FRMPD4: variants seen among roughly 807,000 people sequenced by gnomAD.
FRMPD4 encodes the protein FERM and PDZ domain-containing protein 4.
A neutral mutation model predicts 94.1 loss-of-function variants in FRMPD4; 22 were observed. That is an observed-to-expected ratio of 0.23 (90% CI 0.17 to 0.33). The LOEUF is 0.33. FRMPD4 is among the 10% of genes least tolerant of loss of function. FRMPD4 has a pLI of 1.00. For missense variants in FRMPD4, 1,111 were observed against 1,339.9 expected (o/e 0.83, Z 2.67); for synonymous variants, 631 against 548.6 (o/e 1.15, Z -2.10).
Position 12,213,767 on chromosome X carries a change from C to T in FRMPD4, c.41+74755C>T, listed in dbSNP as rs183703649. 4.5e-5 allele frequency among the ~76,000 whole-genome samples: 5 copies of T among 111,945 alleles called. No homozygotes were observed. The East Asian group carries it at 1.4e-3, about 31-fold the overall frequency. ...CTTTGGATGCTTTCTTTACTTTGAT[C>T]TGTGTAAATGAGAAAGGATAAAAAT... On this transcript the variant is annotated intron_variant, in intron 1 of 16. Coordinates refer to ENST00000675598, the MANE Select transcript of FRMPD4 (RefSeq NM_001368397.1).
chrX:12,287,945 G>C (rs151249527), intron 1 of FRMPD4, among the ~76,000 whole-genome samples: 2,558 of 111,858 alleles, frequency 0.023, 69 homozygotes, highest in African/African-American at 0.079. Context: ...TCATGGCTCT[G>C]TTTCTCAGTA....
chrX:11,924,779 G>A (rs995818182), intron 3 of FRMPD4, among the ~76,000 whole-genome samples: 16 of 111,410 alleles, frequency 1.4e-4, no homozygotes, highest in African/African-American at 5.2e-4. Flanking sequence ...GAAAAAGAAA[G>A]ACTTACTAGC....
At chrX:12,331,108 A>C (rs2055364551) in intron 1 of FRMPD4, among the ~76,000 whole-genome samples, 1 of 111,299 alleles carries the variant, frequency 9.0e-6, no homozygotes, top group South Asian at 3.8e-4. Flanking sequence ...AATTTTATTT[A>C]GAAAGTGGGG....
chrX:12,513,759 C>G (rs963878710), intron 2 of FRMPD4, among the ~76,000 whole-genome samples: 1 of 111,798 alleles, frequency 8.9e-6, no homozygotes, highest in East Asian at 2.8e-4. Flanking sequence ...TGAAGAATGT[C>G]AATGGTAGTT....
At chrX:12,382,553 C>CATAGCATAGT (rs2056339124) in intron 1 of FRMPD4, among the ~76,000 whole-genome samples, 1 of 110,323 alleles carries the variant, frequency 9.1e-6, no homozygotes, top group African/African-American at 3.3e-5. Context: ...CATAGCATAG[C>CATAGCATAGT]ATAGCATAGC....
At chrX:11,848,122 A>G (rs1199270849) in intron 1 of FRMPD4, among the ~76,000 whole-genome samples, 1 of 111,013 alleles carries the variant, frequency 9.0e-6, no homozygotes, top group Non-Finnish European at 1.9e-5. Context: ...GTTTTTTGGA[A>G]TACTGTACAT....
At chrX:12,658,209 A>AT (rs1442629757) in intron 4 of FRMPD4, among the ~76,000 whole-genome samples, 4 of 112,119 alleles carry the variant, frequency 3.6e-5, no homozygotes, top group African/African-American at 1.3e-4. Flanking sequence ...ACTGACACAC[A>AT]TTTAAAATGG....
At chrX:12,040,771 C>T (rs1233416170) in intron 3 of FRMPD4, among the ~76,000 whole-genome samples, 1 of 109,048 alleles carries the variant, frequency 9.2e-6, no homozygotes, top group East Asian at 2.9e-4. Flanking sequence ...TCTCGTGATC[C>T]GCCCACCTCG....
intron 1 of FRMPD4, among the ~76,000 whole-genome samples, chrX:12,187,361 C>G (rs1429687228): frequency 9.0e-6 from 1 of 111,715 alleles, no homozygotes; most frequent in East Asian, 2.8e-4. Context: ...ATCTTTTCTA[C>G]ATGAGTGTGA....
Position 12,417,567 on chromosome X carries a change from A to G in FRMPD4, c.42-81113A>G, listed in dbSNP as rs183259022. Among the ~76,000 whole-genome samples, 144 of 90,819 alleles carry G rather than the reference A, an allele frequency of 1.6e-3. 3 individuals are homozygous for G. In the East Asian group the frequency reaches 0.046, roughly 29 times the overall value. The allele number at this position is 90,819 out of a possible 115,157, so 78.9% of individuals were successfully genotyped here. A position where few individuals can be genotyped will look rare whatever the true frequency, so the allele number is the denominator to read the frequency against. ...ATACTCCAACCTGGGGGACAAGAGC[A>G]AGACTTCATCTCAAAAAAAAAAAAA... On this transcript the variant is annotated intron_variant, in intron 1 of 16. Coordinates refer to ENST00000675598, the MANE Select transcript of FRMPD4 (RefSeq NM_001368397.1).
chrX:12,157,221 C>T (rs1569172875), intron 1 of FRMPD4, among the ~76,000 whole-genome samples: 1 of 112,013 alleles, frequency 8.9e-6, no homozygotes. Context: ...CTTATTATAG[C>T]CTATTGAAGT....
Position 12,701,975 on chromosome X carries a change from C to G in FRMPD4, c.1035C>G (p.Thr345=). 8.3e-7 allele frequency: 1 copy of G among 1,210,515 alleles called. No individual in the cohort carries two copies. Residue 345 remains threonine, a synonymous_variant, in exon 10 of 17, where the codon ACC becomes ACG. Transcript: ENST00000675598. ...ALQMYIATVT[T]KQTQKISLKY... Reference sequence around the variant, plus strand: ...AAATGTACATTGCAACCGTTACCACCAAGCAAACGCAGAAAATCTCCCTCA... The same window carrying G: ...AAATGTACATTGCAACCGTTACCACGAAGCAAACGCAGAAAATCTCCCTCA...
At chrX:12,025,761 G>A in intron 3 of FRMPD4, among the ~76,000 whole-genome samples, 1 of 111,462 alleles carries the variant, frequency 9.0e-6, no homozygotes, top group African/African-American at 3.3e-5. Context: ...GATTGTTAAA[G>A]GACTGGACTC....
chrX:12,290,582 A>G (rs2054670327), intron 1 of FRMPD4, among the ~76,000 whole-genome samples: 1 of 112,525 alleles, frequency 8.9e-6, no homozygotes, highest in Non-Finnish European at 1.9e-5. Context: ...GGAGCAGTAA[A>G]ACATTTCACA....
intron 1 of FRMPD4, among the ~76,000 whole-genome samples, chrX:12,186,806 T>C (rs1035787398): frequency 1.8e-5 from 2 of 112,393 alleles, no homozygotes; most frequent in Non-Finnish European, 3.8e-5. Flanking sequence ...TTCCCCTTTG[T>C]CTCCACTTGC....
chrX:11,846,920 T>TA (rs2053580640), intron 1 of FRMPD4, among the ~76,000 whole-genome samples: 1 of 108,088 alleles, frequency 9.3e-6, no homozygotes, highest in Non-Finnish European at 1.9e-5. Context: ...CCTAAAACCA[T>TA]AAAAACCCTA....
At chrX:11,861,103 T>A (rs1371548703) in intron 1 of FRMPD4, among the ~76,000 whole-genome samples, 1 of 112,290 alleles carries the variant, frequency 8.9e-6, no homozygotes, top group East Asian at 2.8e-4. Context: ...TTAGTAATTA[T>A]GGTTATGTTT....
Position 12,721,132 on chromosome X carries a change from G to A in FRMPD4, c.4563G>A (p.Arg1521=), listed in dbSNP as rs368637471. ...AAGATGGTGAGGAAGAAGAGGAGAG[G>A]GGAGAGGCCACCGTCCAGGTCTCTT... The part of the protein sequence containing the change: ...QDEDGEEEEE[R]GEATVQVSCL... Residue 1521 remains arginine, a synonymous_variant, in exon 17 of 17, where the codon AGG becomes AGA. Coordinates refer to ENST00000675598, the MANE Select transcript of FRMPD4 (RefSeq NM_001368397.1). 1 of 757,065 alleles carries A rather than the reference G, an allele frequency of 1.3e-6. No individual in the cohort carries two copies. 62.4% of individuals were successfully genotyped at this position (757,065 alleles called of 1,213,427 possible).
intron 1 of FRMPD4, among the ~76,000 whole-genome samples, chrX:12,350,204 G>C (rs1452545874): frequency 9.0e-6 from 1 of 111,531 alleles, no homozygotes; most frequent in Non-Finnish European, 1.9e-5. Context: ...ATTTAAGTAT[G>C]GAACAAGAAG....
Sources: gnomAD v4.1 joint callset for allele counts (sites outside exome capture counted in the v4.1 genomes callset) on GRCh38, gnomAD v4.1.1 for gene constraint, MANE v1.5 for transcripts, NCBI Gene and HGNC (gene_info 2026-07-23, HGNC 2026-07-21) for gene names.